The following TOP1 variants were observed in gnomAD, a reference collection of about 807,000 sequenced individuals.
TOP1 encodes DNA topoisomerase I.
In TOP1, 10 loss-of-function variants were observed where a neutral mutation model predicts 111.1. The observed-to-expected ratio is 0.09, with a 90% CI of 0.06 to 0.15. The LOEUF (loss-of-function observed/expected upper bound fraction) is 0.15, where lower values mean the gene tolerates loss of function less well. Among genes scored for constraint, TOP1 ranks in the 10% least tolerant of loss-of-function variants. The pLI, the probability that TOP1 is intolerant of heterozygous loss-of-function variation, is 1.00. For synonymous variants in TOP1, 271 were observed against 302.9 expected (o/e 0.89, Z 1.10); for missense variants, 474 against 926.7 (o/e 0.51, Z 6.34).
At chr20:41,063,692 A>T (rs965378915) in intron 3 of TOP1, among the ~76,000 whole-genome samples, 1 of 151,986 alleles carries the variant, frequency 6.6e-6, no homozygotes, top group African/African-American at 2.4e-5. Context: ...ATGATTAGGG[A>T]CGTGGAGCAT....
rs1911013981 is a variant in TOP1, at chr20:41,079,432, TAAC to T, written c.336-650_336-648del. Among the ~76,000 whole-genome samples the T allele has an allele frequency of 6.6e-6, 1 of 152,204 alleles. No homozygotes were observed. The highest frequency in any genetic ancestry group is 1.5e-5 in the Non-Finnish European group (1 of 68,026). On this transcript the variant is annotated intron_variant, in intron 5 of 20. Transcript: ENST00000361337. The surrounding 1 kb of genome is among the most constrained non-coding windows in gnomAD (Gnocchi z 4.0). ...TATTTATATTTTGAAGGTAAGATCT[TAAC>T]AAATAGTAGTGAGACACTCTTCTGT...
At position 41,097,482 on chromosome 20, in the gene TOP1, T is replaced by G. The variant is rs534415369; in HGVS notation, c.852+141T>G. 22 of 852,398 alleles carry G rather than the reference T, an allele frequency of 2.6e-5. No homozygotes were observed. In the African/African-American group the frequency reaches 3.3e-4, roughly 13 times the overall value. The allele number at this position is 852,398 out of a possible 1,614,324, so 52.8% of individuals were successfully genotyped here. A position where few individuals can be genotyped will look rare whatever the true frequency, so the allele number is the denominator to read the frequency against. On this transcript the variant is annotated intron_variant, in intron 10 of 20. Transcript: ENST00000361337. The surrounding 1 kb of genome is among the most constrained non-coding windows in gnomAD (Gnocchi z 4.2). Reference sequence around the variant, plus strand: ...GTTGTATTTAAACTTGCGTATTTTTTGTCTTCATTTACTATATTATGTAGG... The same window carrying G: ...GTTGTATTTAAACTTGCGTATTTTTGGTCTTCATTTACTATATTATGTAGG...
At chr20:41,052,764 G>A (rs1328709465) in intron 2 of TOP1, among the ~76,000 whole-genome samples, 7 of 152,152 alleles carry the variant, frequency 4.6e-5, no homozygotes, top group Non-Finnish European at 8.8e-5. Flanking sequence ...GCCAAGGCAG[G>A]TATATCACTT....
At position 41,100,365 on chromosome 20, in the gene TOP1, G is replaced by A; in HGVS notation, c.1163+122G>A. On this transcript the variant is annotated intron_variant, in intron 12 of 20. Coordinates refer to ENST00000361337, the MANE Select transcript of TOP1 (RefSeq NM_003286.4). The surrounding 1 kb of genome is among the most constrained non-coding windows in gnomAD (Gnocchi z 4.4). ...AAGGGAGATACTTAAGAGCAGGACA[G>A]TATTTCATGCGTAGGTCTCCAGATG... 1 of 738,158 alleles carries A rather than the reference G, an allele frequency of 1.4e-6. No homozygotes were observed. Among genetic ancestry groups the A allele is most frequent in the East Asian group, 2.7e-5 (1 of 36,696 alleles). The allele number at this position is 738,158 out of a possible 1,614,324, so 45.7% of individuals were successfully genotyped here.
intron 8 of TOP1, among the ~76,000 whole-genome samples, chr20:41,084,868 C>T (rs1016450968): frequency 6.6e-6 from 1 of 152,090 alleles, no homozygotes; most frequent in Non-Finnish European, 1.5e-5. Flanking sequence ...TAAAACCATA[C>T]GGAAAGGACA....
chr20:41,036,937 T>TCTCCTGCCTTAGC (rs2033195629), intron 2 of TOP1, among the ~76,000 whole-genome samples: 1 of 149,952 alleles, frequency 6.7e-6, no homozygotes, highest in Admixed American at 6.8e-5. Context: ...TTCACGCCAT[T>TCTCCTGCCTTAGC]CTCCTGCCTT....
intron 2 of TOP1, among the ~76,000 whole-genome samples, chr20:41,035,562 C>T (rs562932380): frequency 6.6e-6 from 1 of 152,318 alleles, no homozygotes; most frequent in East Asian, 1.9e-4. Flanking sequence ...TAACAGATCC[C>T]TGGGTATTCT....
chr20:41,101,172 A>G lies in TOP1; in HGVS notation c.1164-37A>G. Reference sequence around the variant, plus strand: ...CATGAAAGGTGAAATTATTCCTCACATCTTATTTCACTATCCTCGTGCTCT... The same window carrying G: ...CATGAAAGGTGAAATTATTCCTCACGTCTTATTTCACTATCCTCGTGCTCT... On this transcript the variant is annotated intron_variant, in intron 12 of 20. Coordinates refer to ENST00000361337, the MANE Select transcript of TOP1 (RefSeq NM_003286.4). The surrounding 1 kb of genome is among the most constrained non-coding windows in gnomAD (Gnocchi z 4.1). 1 of 1,610,292 alleles carries G rather than the reference A, an allele frequency of 6.2e-7. No individual in the cohort carries two copies. The highest frequency in any genetic ancestry group is 8.5e-7 in the Non-Finnish European group (1 of 1,176,902).
At position 41,079,011 on chromosome 20, in the gene TOP1, C is replaced by T. The variant is rs2033759436; in HGVS notation, c.336-1074C>T. 6.6e-6 allele frequency among the ~76,000 whole-genome samples: 1 copy of T among 152,142 alleles called. No homozygotes were observed. The highest frequency in any genetic ancestry group is 3.2e-3 in the Middle Eastern group (1 of 316). ...GGTAAATGATAGGCTTTCTTTCCTT[C>T]TGGACCCTAGGGTCTGTGTCAGTAT... On this transcript the variant is annotated intron_variant, in intron 5 of 20. Coordinates refer to ENST00000361337, the MANE Select transcript of TOP1 (RefSeq NM_003286.4). The surrounding 1 kb of genome is among the most constrained non-coding windows in gnomAD (Gnocchi z 4.0).
At position 41,118,180 on chromosome 20, in the gene TOP1, A is replaced by G. The variant is rs2145970306; in HGVS notation, c.1834A>G (p.Ile612Val). The change falls in exon 18 of 21, where the codon ATC (isoleucine) becomes GTC (valine). Residue 612 changes from isoleucine (I) to valine (V), a missense_variant. By Grantham distance (29) the Ile-to-Val change is conservative. Around this residue, in one of 14 missense-constraint regions of TOP1, gnomAD observed 18 missense variants for 20.5 expected, o/e 0.88. Transcript: ENST00000361337. This position sits in a 1 kb window ranked among gnomAD's most constrained non-coding sequence, Gnocchi z 4.6. ...TCCTTTCTTTACAGCGGATGAGAAC[A>G]TCCCAGCGAAGATCCTTTCTTATAA... ...LKELTAPDEN[I>V]PAKILSYNRA... is the part of the protein sequence containing the mutation. The G allele has an allele frequency of 1.9e-6, 3 of 1,613,958 alleles. No homozygotes were observed. Among genetic ancestry groups the G allele is most frequent in the East Asian group, 4.5e-5 (2 of 44,888 alleles).
In TOP1 at chr20:41,109,820, A is replaced by G. The variant is rs530784137; in HGVS notation, c.1309-2962A>G. 4.6e-5 allele frequency among the ~76,000 whole-genome samples: 7 copies of G among 152,376 alleles called. No homozygotes were observed. The East Asian group carries it at 1.2e-3, about 25-fold the overall frequency. On this transcript the variant is annotated intron_variant, in intron 13 of 20. Coordinates refer to ENST00000361337, the MANE Select transcript of TOP1 (RefSeq NM_003286.4). The surrounding 1 kb of genome is among the most constrained non-coding windows in gnomAD (Gnocchi z 4.1). ...TCAAGTGAAATAAAAACATTTATCC[A>G]TGAAAAAACTTGTACAAGAATGTTC...
intron 13 of TOP1, among the ~76,000 whole-genome samples, chr20:41,111,698 C>T (rs1009216736): frequency 6.6e-6 from 1 of 150,590 alleles, no homozygotes; most frequent in Non-Finnish European, 1.5e-5. Context: ...CACGGGTCCA[C>T]GTCATAGTCA....
In TOP1 at chr20:41,114,035, A is replaced by G. The variant is rs1408260266; in HGVS notation, c.1518A>G (p.Ser506=). Reference sequence around the variant, plus strand: ...CAGCGGACACTGTGGGCTGCTGCTCACTTCGTGTGGAGCACATCAATCTAC... The same window carrying G: ...CAGCGGACACTGTGGGCTGCTGCTCGCTTCGTGTGGAGCACATCAATCTAC... The part of the protein sequence containing the change: ...GETADTVGCC[S]LRVEHINLHP... The change falls in exon 15 of 21, where the codon TCA becomes TCG. Residue 506 remains serine, a synonymous_variant. Transcript: ENST00000361337. The surrounding 1 kb of genome is among the most constrained non-coding windows in gnomAD (Gnocchi z 4.5). 2 of 1,614,116 alleles carry G rather than the reference A, an allele frequency of 1.2e-6. No individual in the cohort carries two copies. Among genetic ancestry groups the G allele is most frequent in the South Asian group, 2.2e-5 (2 of 91,088 alleles).
At position 41,098,300 on chromosome 20, in the gene TOP1, C is replaced by T. The variant is rs757344214; in HGVS notation, c.938C>T (p.Thr313Met). 32 of 1,613,820 alleles carry T rather than the reference C, an allele frequency of 2.0e-5. No individual in the cohort carries two copies. Among genetic ancestry groups the T allele is most frequent in the East Asian group, 8.9e-5 (4 of 44,868 alleles). The change falls in exon 11 of 21, where the codon ACG (threonine) becomes ATG (methionine). Residue 313 changes from threonine to methionine, a missense_variant. By Grantham distance (81) the Thr-to-Met change is moderately conservative. Transcript: ENST00000361337. This position sits in a 1 kb window ranked among gnomAD's most constrained non-coding sequence, Gnocchi z 5.7. ...ATGAGCCAGTATTTCAAAGCCCAGA[C>T]GGAAGCTCGGAAACAGATGAGCAAG... ...TQMSQYFKAQ[T>M]EARKQMSKEE...
intron 13 of TOP1, among the ~76,000 whole-genome samples, chr20:41,104,128 A>AG (rs901704670): frequency 1.3e-5 from 2 of 152,174 alleles, no homozygotes; most frequent in Admixed American, 1.3e-4. Flanking sequence ...GGAGAGCATG[A>AG]GGAGCATACG....
At chr20:41,077,996 T>G (rs565793465) in intron 5 of TOP1, among the ~76,000 whole-genome samples, 1 of 151,114 alleles carries the variant, frequency 6.6e-6, no homozygotes, top group East Asian at 1.9e-4. Flanking sequence ...TATTGCAGCC[T>G]CTTCACTAAT....
chr20:41,041,063 C>T (rs536801569), intron 2 of TOP1, among the ~76,000 whole-genome samples: 21 of 152,204 alleles, frequency 1.4e-4, no homozygotes, highest in African/African-American at 4.6e-4. Context: ...GGGAAGTCTG[C>T]CTGCATTACC....
At position 41,071,046 on chromosome 20, in the gene TOP1, GA is replaced by G. The variant is rs2033663478; in HGVS notation, c.156-5124del. 6.6e-6 allele frequency among the ~76,000 whole-genome samples: 1 copy of G among 152,164 alleles called. No individual in the cohort carries two copies. The highest frequency in any genetic ancestry group is 2.4e-5 in the African/African-American group (1 of 41,436). On this transcript the variant is annotated intron_variant, in intron 3 of 20. Transcript: ENST00000361337. The surrounding 1 kb of genome is among the most constrained non-coding windows in gnomAD (Gnocchi z 4.3). ...GTATCTGTTAAATACTTTTATGGGGGATAGAGGACAGATTTAAATGGTTTCC... is the reference window on the plus strand; with the variant it reads ...GTATCTGTTAAATACTTTTATGGGGGTAGAGGACAGATTTAAATGGTTTCC...
rs2033159106 is a variant in TOP1 at position 41,034,408 on chromosome 20, AC to A, written c.58+4958del. Among the ~76,000 whole-genome samples the A allele has an allele frequency of 1.3e-5, 2 of 151,556 alleles. No individual in the cohort carries two copies. ...GGTTGGAATAATTAGCATTTTGCCA[AC>A]CCCCACCCTCCCTGCCACCTGCCTA... On this transcript the variant is annotated intron_variant, in intron 2 of 20. Coordinates refer to ENST00000361337, the MANE Select transcript of TOP1 (RefSeq NM_003286.4). This position sits in a 1 kb window ranked among gnomAD's most constrained non-coding sequence, Gnocchi z 4.0.
Sources: allele counts gnomAD v4.1 joint callset (sites outside exome capture counted in the v4.1 genomes callset), GRCh38; gene constraint gnomAD v4.1.1; regional missense constraint gnomAD v4.1.1; non-coding constraint Gnocchi (gnomAD v3.1); transcripts MANE v1.5; gene names NCBI Gene and HGNC (gene_info 2026-07-23, HGNC 2026-07-21).